The following NAV2 variants were observed in gnomAD, a reference collection of about 807,000 sequenced individuals.
NAV2 encodes the protein helicase, APC down-regulated 1.
NAV2 carries 54 observed loss-of-function variants against 223.2 expected under a neutral mutation model. The ratio of observed to expected loss-of-function variants is 0.24; its 90% CI spans 0.19 to 0.30. The LOEUF is 0.30. Ranked by LOEUF, NAV2 falls within the 10% of genes least tolerant of loss-of-function variation. The pLI is 1.00. For synonymous variants in NAV2, 1,279 were observed against 1,239.3 expected, an observed-to-expected ratio of 1.03 and a Z score of -0.67; for missense variants, 2,806 against 3,147.5, an observed-to-expected ratio of 0.89 and a Z score of 2.60.
chr11:19,890,537 C>A (rs2041417585), intron 5 of NAV2, among the ~76,000 whole-genome samples: 1 of 152,138 alleles, frequency 6.6e-6, no homozygotes, highest in Non-Finnish European at 1.5e-5. Context: ...CACTTAATAC[C>A]ATTGCTCTGA....
At chr11:19,596,556 G>A (rs182839059) in intron 1 of NAV2, among the ~76,000 whole-genome samples, 5 of 152,306 alleles carry the variant, frequency 3.3e-5, no homozygotes, top group East Asian at 1.9e-4. Context: ...CTCCAGGCCC[G>A]AGACAGGCTG....
intron 11 of NAV2, among the ~76,000 whole-genome samples, chr11:20,016,323 G>A (rs544566321): frequency 3.3e-5 from 5 of 152,282 alleles, no homozygotes; most frequent in African/African-American, 1.2e-4. Flanking sequence ...CTGTCTTTAA[G>A]GTTTTGTTAA....
chr11:19,466,755 G>A (rs543749160), intron 1 of NAV2, among the ~76,000 whole-genome samples: 89 of 152,330 alleles, frequency 5.8e-4, no homozygotes, highest in Middle Eastern at 3.4e-3. Context: ...GCAGGGACAG[G>A]TCACTGGGCA....
chr11:19,358,059 G>A (rs1853719239), intron 1 of NAV2, among the ~76,000 whole-genome samples: 3 of 152,122 alleles, frequency 2.0e-5, no homozygotes, highest in Admixed American at 2.0e-4. Context: ...CCTAAAGCTT[G>A]GATCAGATTC....
At chr11:19,591,930 C>T (rs566315570) in intron 1 of NAV2, among the ~76,000 whole-genome samples, 16 of 152,316 alleles carry the variant, frequency 1.1e-4, no homozygotes, top group Admixed American at 2.0e-4. Flanking sequence ...GGCCATTCAG[C>T]TTCCAAGGCA....
At chr11:19,525,905 T>G (rs1230216786) in intron 1 of NAV2, among the ~76,000 whole-genome samples, 1 of 152,106 alleles carries the variant, frequency 6.6e-6, no homozygotes, top group Non-Finnish European at 1.5e-5. Context: ...GTCTTCAGGC[T>G]TAGGGGAAGC....
intron 1 of NAV2, among the ~76,000 whole-genome samples, chr11:19,827,117 G>C (rs997998819): frequency 6.6e-5 from 10 of 152,210 alleles, no homozygotes; most frequent in African/African-American, 2.4e-4. Flanking sequence ...CTGGGCAGAG[G>C]GGATAGACTG....
At chr11:19,970,191 C>T (rs760059968) in intron 10 of NAV2, among the ~76,000 whole-genome samples, 2 of 152,114 alleles carry the variant, frequency 1.3e-5, no homozygotes, top group Non-Finnish European at 2.9e-5. Context: ...TTTATTGAGA[C>T]AGAGTCTTGC....
chr11:19,765,315 C>T (rs910985380), intron 1 of NAV2, among the ~76,000 whole-genome samples: 1 of 152,030 alleles, frequency 6.6e-6, no homozygotes, highest in East Asian at 1.9e-4. Context: ...TCATCTTCTT[C>T]TCCTCCTCCT....
intron 2 of NAV2, among the ~76,000 whole-genome samples, chr11:19,836,563 C>T (rs1219054553): frequency 4.8e-5 from 4 of 82,570 alleles, no homozygotes; most frequent in Admixed American, 1.2e-4. Context: ...GACTCTGTCT[C>T]AAAAAAAAAA....
intron 1 of NAV2, among the ~76,000 whole-genome samples, chr11:19,590,206 C>A (rs544155086): frequency 1.3e-4 from 20 of 152,172 alleles, no homozygotes; most frequent in Non-Finnish European, 2.5e-4. Context: ...GCATTTATAA[C>A]GGTTCCTGGC....
intron 1 of NAV2, among the ~76,000 whole-genome samples, chr11:19,431,597 C>T (rs1388925362): frequency 6.6e-6 from 1 of 152,222 alleles, no homozygotes; most frequent in Admixed American, 6.5e-5. Flanking sequence ...CCTTCTTGGT[C>T]TCCTTCCTCT....
At chr11:19,817,195 G>A (rs137868825) in intron 1 of NAV2, among the ~76,000 whole-genome samples, 1 of 152,152 alleles carries the variant, frequency 6.6e-6, no homozygotes, top group East Asian at 1.9e-4. Context: ...ACCTGCCCTG[G>A]TCTGAATGGC....
intron 1 of NAV2, among the ~76,000 whole-genome samples, chr11:19,533,021 A>G (rs1006093476): frequency 2.0e-5 from 3 of 152,192 alleles, no homozygotes; most frequent in African/African-American, 7.2e-5. Flanking sequence ...ACTGAATGGG[A>G]TTCCTTTGGT....
At chr11:19,653,673 A>G (rs1193812673) in intron 1 of NAV2, among the ~76,000 whole-genome samples, 1 of 152,250 alleles carries the variant, frequency 6.6e-6, no homozygotes, top group Non-Finnish European at 1.5e-5. Context: ...TTGGGTGCTT[A>G]CTATGTGCCA....
intron 11 of NAV2, among the ~76,000 whole-genome samples, chr11:20,017,972 C>T (rs952718952): frequency 5.3e-5 from 8 of 152,124 alleles, no homozygotes; most frequent in African/African-American, 1.9e-4. Context: ...TTCCCTTTCT[C>T]TCTTTGTTCT....
intron 1 of NAV2, among the ~76,000 whole-genome samples, chr11:19,382,792 A>G (rs1007250365): frequency 4.6e-5 from 7 of 152,226 alleles, no homozygotes; most frequent in Non-Finnish European, 1.0e-4. Context: ...ATGCTGAGGT[A>G]CAGAGAGATT....
chr11:19,378,514 C>T (rs140907014), intron 1 of NAV2, among the ~76,000 whole-genome samples: 86 of 149,240 alleles, frequency 5.8e-4, no homozygotes, highest in African/African-American at 2.0e-3. Flanking sequence ...AGCGCGCACC[C>T]TTAATAAAGA....
At chr11:19,408,318 C>T (rs2133372005) in intron 1 of NAV2, among the ~76,000 whole-genome samples, 2 of 152,134 alleles carry the variant, frequency 1.3e-5, no homozygotes, top group African/African-American at 4.8e-5. Context: ...AAAGGGGAGG[C>T]TGGGAGGGGA....
Sources: allele counts gnomAD v4.1 joint callset (sites outside exome capture counted in the v4.1 genomes callset), GRCh38; gene constraint gnomAD v4.1.1; transcripts MANE v1.5; gene names NCBI Gene and HGNC (gene_info 2026-07-23, HGNC 2026-07-21).